The following NCKAP5 variants were observed in gnomAD, a reference collection of about 807,000 sequenced individuals.
NCKAP5 encodes nck-associated protein 5.
Under a neutral mutation model 167.0 loss-of-function variants are expected in NCKAP5, and 92 were observed. That is an observed-to-expected ratio of 0.55 (90% confidence interval 0.47 to 0.66). NCKAP5 has a LOEUF of 0.66. Ranked by LOEUF, NCKAP5 falls within the 30% of genes least tolerant of loss-of-function variation. The pLI is 0.00. For missense variants in NCKAP5, 2,378 were observed against 2,315.0 expected, an observed-to-expected ratio of 1.03 and a Z score of -0.56; for synonymous variants, 891 against 877.4, an observed-to-expected ratio of 1.02 and a Z score of -0.27.
chr2:133,080,739 A>G, intron 6 of NCKAP5, among the ~76,000 whole-genome samples: 1 of 152,160 alleles, frequency 6.6e-6, no homozygotes, highest in East Asian at 1.9e-4. Context: ...AGGAACTTGA[A>G]ATATAATTGT....
chr2:133,652,556 G>A, the NCKAP5 span, among the ~76,000 whole-genome samples: 2 of 152,190 alleles, frequency 1.3e-5, no homozygotes, highest in African/African-American at 4.8e-5. Flanking sequence ...CCTCCCTGTA[G>A]TATGCATTCT....
At chr2:132,972,408 C>T (rs1249254004) in intron 7 of NCKAP5, among the ~76,000 whole-genome samples, 3 of 152,172 alleles carry the variant, frequency 2.0e-5, no homozygotes, top group Non-Finnish European at 1.5e-5. Flanking sequence ...GGAAACATGT[C>T]TACAACTCTC....
chr2:133,419,783 C>T (rs1574922828), intron 3 of NCKAP5, among the ~76,000 whole-genome samples: 1 of 152,156 alleles, frequency 6.6e-6, no homozygotes, highest in East Asian at 1.9e-4. Flanking sequence ...AAATCATTCA[C>T]AATTATTCCT....
intron 15 of NCKAP5, among the ~76,000 whole-genome samples, chr2:132,780,439 C>T (rs751559437): frequency 2.0e-5 from 3 of 152,158 alleles, no homozygotes; most frequent in Non-Finnish European, 4.4e-5. Flanking sequence ...CGTGAGCCAC[C>T]GCACCCGGCC....
At chr2:133,464,842 G>C (rs867608379) in intron 3 of NCKAP5, among the ~76,000 whole-genome samples, 45 of 152,022 alleles carry the variant, frequency 3.0e-4, no homozygotes, top group African/African-American at 1.0e-3. Flanking sequence ...CTTAAGAAGA[G>C]AACTTGCAAG....
chr2:133,451,418 C>T (rs1691544022), intron 3 of NCKAP5, among the ~76,000 whole-genome samples: 1 of 152,176 alleles, frequency 6.6e-6, no homozygotes, highest in African/African-American at 2.4e-5. Context: ...CATGAGTATC[C>T]TTTTCAGTAA....
chr2:133,296,479 T>C (rs1679969104), intron 4 of NCKAP5, among the ~76,000 whole-genome samples: 1 of 152,144 alleles, frequency 6.6e-6, no homozygotes, highest in Non-Finnish European at 1.5e-5. Flanking sequence ...TTGGACATTA[T>C]CTAGTTGAGC....
At chr2:133,119,210 G>A (rs1448723718) in intron 6 of NCKAP5, among the ~76,000 whole-genome samples, 1 of 152,082 alleles carries the variant, frequency 6.6e-6, no homozygotes, top group African/African-American at 2.4e-5. Flanking sequence ...CACCATGTTG[G>A]TCAGGCTAGT....
chr2:133,525,876 A>G (rs1324196158), intron 2 of NCKAP5, among the ~76,000 whole-genome samples: 1 of 152,026 alleles, frequency 6.6e-6, no homozygotes, highest in African/African-American at 2.4e-5. Flanking sequence ...GCCACTTACA[A>G]GTTCTGTGAC....
At position 133,484,565 on chromosome 2, in the gene NCKAP5, C is replaced by T. The variant is rs1234256220; in HGVS notation, c.69+32893G>A. Among the ~76,000 whole-genome samples the T allele has an allele frequency of 2.6e-5, 4 of 152,256 alleles. No homozygotes were observed. The East Asian group carries it at 7.7e-4, about 29-fold the overall frequency. On this transcript the variant is annotated intron_variant, in intron 3 of 19. Coordinates refer to ENST00000409261, the MANE Select transcript of NCKAP5 (RefSeq NM_207363.3). ...AGTTAAACATCCCTAATCCCAAAAT[C>T]CAAAATCCAAAATTAAAAAGTTTTT...
intron 4 of NCKAP5, chr2:133,268,479 C>CTTTTTTT (rs993086767): frequency 8.2e-6 from 1 of 122,410 alleles, no homozygotes; most frequent in Non-Finnish European, 1.7e-5. Context: ...ATTTTACAGC[C>CTTTTTTT]TTTTTTTTTT....
chr2:133,642,325 T>A, the NCKAP5 span, among the ~76,000 whole-genome samples: 2 of 151,824 alleles, frequency 1.3e-5, no homozygotes, highest in African/African-American at 2.4e-5. Context: ...TCAACCTGAG[T>A]TTTTGCAGAG....
chr2:133,409,483 C>T (rs573153956), intron 3 of NCKAP5, among the ~76,000 whole-genome samples: 22 of 152,296 alleles, frequency 1.4e-4, no homozygotes, highest in Admixed American at 3.9e-4. Flanking sequence ...GAGTAAGCCA[C>T]GGGTCTTGCT....
At chr2:132,793,332 T>C (rs1372523304) in intron 12 of NCKAP5, among the ~76,000 whole-genome samples, 2 of 152,112 alleles carry the variant, frequency 1.3e-5, no homozygotes, top group East Asian at 1.9e-4. Context: ...TGATGGCAGA[T>C]ACTTGAGGGA....
chr2:132,904,372 A>T (rs1374182286), intron 8 of NCKAP5, among the ~76,000 whole-genome samples: 1 of 151,178 alleles, frequency 6.6e-6, no homozygotes, highest in African/African-American at 2.4e-5. Context: ...AATAAAAATT[A>T]AAAAATATAT....
intron 4 of NCKAP5, among the ~76,000 whole-genome samples, chr2:133,229,038 T>A (rs1263524387): frequency 6.6e-6 from 1 of 152,148 alleles, no homozygotes; most frequent in African/African-American, 2.4e-5. Flanking sequence ...TAAAATAATA[T>A]CTATTCCACT....
At chr2:133,390,455 T>C (rs1687319343) in intron 3 of NCKAP5, among the ~76,000 whole-genome samples, 1 of 152,232 alleles carries the variant, frequency 6.6e-6, no homozygotes, top group African/African-American at 2.4e-5. Context: ...AGTTCCTCCT[T>C]TTAATCCAGC....
chr2:132,982,733 A>G (rs574369400), intron 7 of NCKAP5, among the ~76,000 whole-genome samples: 1 of 152,250 alleles, frequency 6.6e-6, no homozygotes, highest in Admixed American at 6.5e-5. Flanking sequence ...GCCATTGTTT[A>G]GCTCCTTCTT....
At chr2:133,255,554 C>G (rs2088574482) in intron 4 of NCKAP5, among the ~76,000 whole-genome samples, 1 of 152,072 alleles carries the variant, frequency 6.6e-6, no homozygotes, top group Non-Finnish European at 1.5e-5. Flanking sequence ...CACAGACAAA[C>G]AGAGGGCTCC....
Sources: gnomAD v4.1 joint callset for allele counts (sites outside exome capture counted in the v4.1 genomes callset) on GRCh38, gnomAD v4.1.1 for gene constraint, MANE v1.5 for transcripts, NCBI Gene and HGNC (gene_info 2026-07-23, HGNC 2026-07-21) for gene names.